Variants in COL4A6 observed in about 807,000 individuals in gnomAD.
COL4A6 encodes the protein collagen type IV alpha 6 chain.
A neutral mutation model predicts 126.7 loss-of-function variants in COL4A6; 59 were observed. The observed-to-expected ratio is 0.47, with a 90% confidence interval of 0.38 to 0.58. COL4A6 has a LOEUF of 0.58. Ranked by LOEUF, COL4A6 falls within the 20% of genes least tolerant of loss-of-function variation. The pLI is 0.00. For missense variants in COL4A6, 1,285 were observed against 1,337.3 expected (o/e 0.96, Z 0.61); for synonymous variants, 547 against 496.6 (o/e 1.10, Z -1.35).
At chrX:108,435,089 C>T (rs2064242357) in intron 2 of COL4A6, among the ~76,000 whole-genome samples, 1 of 111,278 alleles carries the variant, frequency 9.0e-6, no homozygotes, top group South Asian at 3.8e-4. Context: ...TTCAATCAGA[C>T]CTTGATTTGA....
chrX:108,434,385 C>T (rs1338749380), intron 2 of COL4A6, among the ~76,000 whole-genome samples: 1 of 109,956 alleles, frequency 9.1e-6, no homozygotes, highest in Non-Finnish European at 1.9e-5. Context: ...GCGTCACAGC[C>T]TCAAACTTCT....
In COL4A6 at chrX:108,155,870, A is replaced by G. The variant is rs765316423; in HGVS notation, c.*1130T>C. On this transcript the variant is annotated 3_prime_UTR_variant, in exon 45 of 45. Transcript: ENST00000334504. ...CCAAACAGAATACAATGTACTGCAT[A>G]GCCAATTCAGGCTTGCTTTAGGTCT... 69 of 112,319 alleles carry G rather than the reference A, an allele frequency of 6.1e-4. No homozygotes were observed. The highest frequency in any genetic ancestry group is 2.0e-3 in the African/African-American group (63 of 30,923). The allele number at this position is 112,319 out of a possible 1,213,427, so 9.3% of individuals were successfully genotyped here. A position where few individuals can be genotyped will look rare whatever the true frequency, so the allele number is the denominator to read the frequency against.
At chrX:108,236,052 A>G (rs1180399662) in intron 3 of COL4A6, among the ~76,000 whole-genome samples, 1 of 111,575 alleles carries the variant, frequency 9.0e-6, no homozygotes, top group Non-Finnish European at 1.9e-5. Context: ...AAGCTTTTGA[A>G]TCGGGTGCTG....
intron 2 of COL4A6, among the ~76,000 whole-genome samples, chrX:108,402,195 G>T (rs1245059782): frequency 9.0e-6 from 1 of 110,946 alleles, no homozygotes; most frequent in Admixed American, 9.6e-5. Flanking sequence ...GAGATAATCT[G>T]TTTCATAAAA....
At position 108,156,439 on chromosome X, in the gene COL4A6, A is replaced by C. The variant is rs2033739601; in HGVS notation, c.*561T>G. 1 of 113,119 alleles carries C rather than the reference A, an allele frequency of 8.8e-6. No individual in the cohort carries two copies. Among genetic ancestry groups the C allele is most frequent in the Admixed American group, 9.3e-5 (1 of 10,738 alleles). The allele number at this position is 113,119 out of a possible 1,213,427, so 9.3% of individuals were successfully genotyped here. A position where few individuals can be genotyped will look rare whatever the true frequency, so the allele number is the denominator to read the frequency against. On this transcript the variant is annotated 3_prime_UTR_variant, in exon 45 of 45. Transcript: ENST00000334504. The stretch of plus-strand genomic sequence containing the variant: ...TCTTGCTCATTCTAGAGAGAGCTAA[A>C]GCTCACTCTGGGCTACTGGGTGGCA...
chrX:108,357,590 A>G (rs964897968), intron 2 of COL4A6, among the ~76,000 whole-genome samples: 1 of 111,419 alleles, frequency 9.0e-6, no homozygotes, highest in Non-Finnish European at 1.9e-5. Context: ...CTTCCTTACC[A>G]TGGCATACGT....
Position 108,188,614 on chromosome X carries a change from C to T in COL4A6, c.1490G>A (p.Gly497Asp). 3 of 1,197,651 alleles carry T rather than the reference C, an allele frequency of 2.5e-6. No individual in the cohort carries two copies. The highest frequency in any genetic ancestry group is 3.4e-6 in the Non-Finnish European group (3 of 888,551). ...TATGAGACCCCATGGACCAGGTGGG[C>T]CTGGTTCCCCGGGTGGTCCAGTGTT... ...VPNTGPPGEP[G>D]PPGPWGLIGL... is the part of the protein sequence containing the mutation. The change falls in exon 21 of 45, where the codon GGC (glycine) becomes GAC (aspartate). Residue 497 changes from glycine (G) to aspartate (D), a missense_variant. Transcript: ENST00000334504.
At chrX:108,363,012 T>C (rs2040121574) in intron 2 of COL4A6, among the ~76,000 whole-genome samples, 1 of 112,284 alleles carries the variant, frequency 8.9e-6, no homozygotes, top group African/African-American at 3.2e-5. Context: ...GTCTAGATAC[T>C]GTGCTATTTT....
intron 37 of COL4A6, among the ~76,000 whole-genome samples, chrX:108,168,618 G>A (rs769552593): frequency 2.7e-5 from 3 of 111,729 alleles, no homozygotes; most frequent in Admixed American, 9.5e-5. Flanking sequence ...ATCTTACCTC[G>A]TTCCTCATTG....
At chrX:108,344,717 T>A (rs1373006316) in intron 2 of COL4A6, among the ~76,000 whole-genome samples, 3 of 112,285 alleles carry the variant, frequency 2.7e-5, no homozygotes, top group Non-Finnish European at 5.6e-5. Context: ...TCCTTTGATT[T>A]CAAATTGACA....
chrX:108,318,226 A>T (rs947118296), intron 2 of COL4A6, among the ~76,000 whole-genome samples: 4 of 111,466 alleles, frequency 3.6e-5, no homozygotes, highest in African/African-American at 6.5e-5. Flanking sequence ...ACGTATCTCA[A>T]AATAATAAGA....
At chrX:108,335,776 C>CA (rs2039418160) in intron 2 of COL4A6, among the ~76,000 whole-genome samples, 1 of 110,876 alleles carries the variant, frequency 9.0e-6, no homozygotes, top group Admixed American at 9.7e-5. Flanking sequence ...ATAAGAGGGT[C>CA]ATGCCTCTAC....
intron 2 of COL4A6, among the ~76,000 whole-genome samples, chrX:108,338,124 C>T (rs753405099): frequency 9.0e-6 from 1 of 111,572 alleles, no homozygotes; most frequent in South Asian, 3.7e-4. Context: ...AAGGGATCTG[C>T]TGGTGGCTTT....
rs377752282 is a variant in COL4A6, at chrX:108,169,565, T to C, written c.3621A>G (p.Glu1207=). ...CGATGCCAATTCCTGGATATCCTTT[T>C]TCTCCTTTGGGTCCAGGGAGACCAG... ...GPAGLPGPKG[E]KGYPGIGIGA... Residue 1207 remains glutamate (E), a synonymous_variant, in exon 37 of 45, where the codon GAA becomes GAG. Transcript: ENST00000334504. The C allele has an allele frequency of 5.0e-6, 6 of 1,209,857 alleles. No homozygotes were observed. In the African/African-American group the frequency reaches 1.0e-4, roughly 21 times the overall value.
At chrX:108,378,910 A>G (rs1041999433) in intron 2 of COL4A6, among the ~76,000 whole-genome samples, 10 of 112,614 alleles carry the variant, frequency 8.9e-5, no homozygotes, top group African/African-American at 3.2e-4. Flanking sequence ...ACAGAGGCAG[A>G]CGCACAAAGC....
At chrX:108,232,877 C>A (rs918852214) in intron 3 of COL4A6, among the ~76,000 whole-genome samples, 1 of 111,246 alleles carries the variant, frequency 9.0e-6, no homozygotes, top group African/African-American at 3.3e-5. Flanking sequence ...AATAACCAAA[C>A]TCCAATTGTC....
In COL4A6 at chrX:108,338,934, G is replaced by C. The variant is rs759929189; in HGVS notation, c.64-28106C>G. Among the ~76,000 whole-genome samples the C allele has an allele frequency of 3.6e-5, 4 of 111,719 alleles. No individual in the cohort carries two copies. In the Admixed American group the frequency reaches 3.8e-4, roughly 11 times the overall value. ...TCAAGCTGAATTTTACAAGATATGA[G>C]AGAGACATAGGATAGCCTGCTTGAC... On this transcript the variant is annotated intron_variant, in intron 2 of 44. Coordinates refer to ENST00000334504, the MANE Select transcript of COL4A6 (RefSeq NM_033641.4).
chrX:108,384,148 C>T (rs2040630654), intron 2 of COL4A6, among the ~76,000 whole-genome samples: 1 of 111,716 alleles, frequency 9.0e-6, no homozygotes, highest in Non-Finnish European at 1.9e-5. Context: ...TTTCTCTATC[C>T]TTTTTATCCT....
In COL4A6 at chrX:108,214,163, T is replaced by A; in HGVS notation, c.390A>T (p.Gly130=). 1 of 1,210,202 alleles carries A rather than the reference T, an allele frequency of 8.3e-7. No individual in the cohort carries two copies. The change falls in exon 6 of 45, where the codon GGA becomes GGT. Residue 130 remains glycine (G), a synonymous_variant. Transcript: ENST00000334504. The part of the protein sequence containing the change: ...PGLDGCNGTQ[G]AVGFPGPDGY... ...CATCAGGGCCTGGAAATCCAACAGCTCCTTGAGTTCCATTACAGCCATCCA... is the reference window on the plus strand; with the variant it reads ...CATCAGGGCCTGGAAATCCAACAGCACCTTGAGTTCCATTACAGCCATCCA...
Sources: allele counts gnomAD v4.1 joint callset (sites outside exome capture counted in the v4.1 genomes callset), GRCh38; gene constraint gnomAD v4.1.1; transcripts MANE v1.5; gene names NCBI Gene and HGNC (gene_info 2026-07-23, HGNC 2026-07-21).